The following DYNLRB1 variants were observed in gnomAD, a reference collection of about 807,000 sequenced individuals.
The protein encoded by DYNLRB1 is dynein light chain roadblock-type 1.
In DYNLRB1, 6 loss-of-function variants were observed where a neutral mutation model predicts 13.5. That is an observed-to-expected ratio of 0.44 (90% CI 0.24 to 0.88). The LOEUF is 0.88. Ranked by LOEUF, DYNLRB1 falls within the 40% of genes least tolerant of loss-of-function variation. The pLI, the probability that DYNLRB1 is intolerant of heterozygous loss-of-function variation, is 0.21. For synonymous variants in DYNLRB1, 43 were observed against 45.0 expected, an observed-to-expected ratio of 0.96 and a Z score of 0.18; for missense variants, 93 against 127.2, an observed-to-expected ratio of 0.73 and a Z score of 1.29.
chr20:34,517,223 T>C (rs6120669), intron 1 of DYNLRB1, among the ~76,000 whole-genome samples: 67,209 of 152,038 alleles, frequency 0.44, 15,495 homozygotes, highest in Non-Finnish European at 0.5. Context: ...TTTTCAAAAA[T>C]CTTATTTAGA....
chr20:34,520,947 C>T (rs2146616170), intron 1 of DYNLRB1, among the ~76,000 whole-genome samples: 1 of 152,224 alleles, frequency 6.6e-6, no homozygotes, highest in African/African-American at 2.4e-5. Context: ...TTGTATTGCC[C>T]TTGCACCTGC....
In DYNLRB1 at chr20:34,529,047, T is replaced by TGCTCCCACAGGCC. The variant is rs1426295577; in HGVS notation, c.79+2705_79+2717dup. On this transcript the variant is annotated intron_variant, in intron 2 of 3. Transcript: ENST00000357156. ...GCCCTTCAGTGCCCAGCCCAGGGGCTGCTCCCACAGGCCAGGATTTACCAG... is the reference window on the plus strand; with the variant it reads ...GCCCTTCAGTGCCCAGCCCAGGGGCTGCTCCCACAGGCCGCTCCCACAGGCCAGGATTTACCAG... Among the ~76,000 whole-genome samples the TGCTCCCACAGGCC allele has an allele frequency of 2.6e-5, 4 of 151,852 alleles. No homozygotes were observed. In the East Asian group the frequency reaches 7.8e-4, roughly 29 times the overall value.
upstream of DYNLRB1, among the ~76,000 whole-genome samples, chr20:34,515,826 T>C (rs1241607955): frequency 6.6e-6 from 1 of 152,074 alleles, no homozygotes; most frequent in Admixed American, 6.5e-5. Context: ...CATTGAGAGC[T>C]GAAAGCCTCT....
intron 1 of DYNLRB1, among the ~76,000 whole-genome samples, chr20:34,525,915 A>G (rs1486290408): frequency 6.6e-6 from 1 of 152,212 alleles, no homozygotes; most frequent in Non-Finnish European, 1.5e-5. Flanking sequence ...TCTTAAATCA[A>G]CAGAGTCCCA....
intron 1 of DYNLRB1, among the ~76,000 whole-genome samples, chr20:34,522,933 T>C (rs1224693441): frequency 1.3e-5 from 2 of 152,240 alleles, no homozygotes; most frequent in Non-Finnish European, 2.9e-5. Context: ...GAAATGCTTT[T>C]TATTTGTTCC....
rs73259118 is a variant in DYNLRB1, at chr20:34,522,355, A to G, written c.4-3913A>G. 7.3e-3 allele frequency among the ~76,000 whole-genome samples: 1,106 copies of G among 152,018 alleles called. 13 individuals carry two copies. The highest frequency in any genetic ancestry group is 0.025 in the African/African-American group (1,053 of 41,472). On this transcript the variant is annotated intron_variant, in intron 1 of 3. Coordinates refer to ENST00000357156, the MANE Select transcript of DYNLRB1 (RefSeq NM_014183.4). ...GAGAGCATGTGTCTGAAAGCAATAT[A>G]TGACCCATAGTAGGCGCTGAGTAGG...
At chr20:34,530,065 C>G in intron 2 of DYNLRB1, 1 of 1,241,888 alleles carries the variant, frequency 8.1e-7, no homozygotes, top group South Asian at 3.4e-5. Context: ...TCTTCTGGGA[C>G]TGGACATTTT....
In DYNLRB1 at chr20:34,526,337, A is replaced by G. The variant is rs1328665852; in HGVS notation, c.73A>G (p.Thr25Ala). The G allele has an allele frequency of 5.0e-6, 8 of 1,613,918 alleles. No individual in the cohort carries two copies. In the Admixed American group the frequency reaches 1.0e-4, roughly 20 times the overall value. Residue 25 changes from threonine to alanine, a missense_variant, in exon 2 of 4, where the codon ACA (threonine) becomes GCA (alanine). Physicochemically the swap from Thr to Ala is moderately conservative, Grantham distance 58 (BLOSUM62 0). Transcript: ENST00000357156. ...AGTGCAGGGAATCATCGTCGTGAAC[A>G]CAGAAGGTACGCCCTCCCTCCCGCC... The part of the protein sequence containing the change: ...KGVQGIIVVN[T>A]EGIPIKSTMD...
chr20:34,538,005 T>TTTTTTTTA (rs1981293993), intron 3 of DYNLRB1, among the ~76,000 whole-genome samples: 2 of 122,924 alleles, frequency 1.6e-5, no homozygotes, highest in African/African-American at 3.3e-5. Context: ...TTTTTTTTTT[T>TTTTTTTTA]GAGACAGGGT....
At chr20:34,518,248 CT>C (rs1295268939) in intron 1 of DYNLRB1, among the ~76,000 whole-genome samples, 1 of 152,020 alleles carries the variant, frequency 6.6e-6, no homozygotes, top group East Asian at 1.9e-4. Context: ...ATACCATGCT[CT>C]TTTGGTTACT....
At chr20:34,518,078 G>A (rs1979402886) in intron 1 of DYNLRB1, among the ~76,000 whole-genome samples, 1 of 151,940 alleles carries the variant, frequency 6.6e-6, no homozygotes, top group East Asian at 1.9e-4. Context: ...ATACCCAGTA[G>A]TGGTATTGCT....
intron 1 of DYNLRB1, among the ~76,000 whole-genome samples, chr20:34,525,878 TC>T (rs1187120350): frequency 6.6e-6 from 1 of 152,222 alleles, no homozygotes; most frequent in African/African-American, 2.4e-5. Flanking sequence ...AGTGTTGTCT[TC>T]CTGTTAGATA....
intron 1 of DYNLRB1, 130 bp downstream of exon 1, chr20:34,516,591 CG>C: frequency 2.0e-5 from 30 of 1,526,796 alleles, no homozygotes; most frequent in Non-Finnish European, 2.6e-5. Context: ...TGGCCGGGCC[CG>C]GGCCCCAGCC....
intron 1 of DYNLRB1, among the ~76,000 whole-genome samples, chr20:34,522,853 A>T (rs1291027252): frequency 6.6e-6 from 1 of 151,974 alleles, no homozygotes; most frequent in Non-Finnish European, 1.5e-5. Context: ...GCTCTTTTTC[A>T]CACTGTGGAC....
chr20:34,525,014 C>T (rs1274209682), intron 1 of DYNLRB1, among the ~76,000 whole-genome samples: 3 of 152,202 alleles, frequency 2.0e-5, no homozygotes, highest in Admixed American at 2.0e-4. Flanking sequence ...CATGAGCCGC[C>T]GCACCGGCCC....
intron 1 of DYNLRB1, among the ~76,000 whole-genome samples, chr20:34,522,796 G>C (rs1421650928): frequency 6.6e-6 from 1 of 152,148 alleles, no homozygotes; most frequent in East Asian, 1.9e-4. Flanking sequence ...TAAACAGCCA[G>C]ATCTTAGTAT....
intron 2 of DYNLRB1, chr20:34,526,742 A>G (rs1009597264): frequency 1.1e-5 from 2 of 183,104 alleles, no homozygotes; most frequent in African/African-American, 4.7e-5. Flanking sequence ...ACCCTTGGGC[A>G]TATGTTTACA....
intron 2 of DYNLRB1, among the ~76,000 whole-genome samples, chr20:34,527,744 C>G (rs1157751450): frequency 6.6e-6 from 1 of 152,214 alleles, no homozygotes; most frequent in Non-Finnish European, 1.5e-5. Flanking sequence ...GGGATAGATT[C>G]TAATCAGAAG....
At chr20:34,516,722 G>C in intron 1 of DYNLRB1, 1 of 1,539,936 alleles carries the variant, frequency 6.5e-7, no homozygotes, top group Non-Finnish European at 8.8e-7. Flanking sequence ...GAGATGATGG[G>C]CGAGGGGTGG....
Sources: allele counts gnomAD v4.1 joint callset (sites outside exome capture counted in the v4.1 genomes callset), GRCh38; gene constraint gnomAD v4.1.1; transcripts MANE v1.5; gene names NCBI Gene and HGNC (gene_info 2026-07-23, HGNC 2026-07-21).